TPCN2: variants seen among roughly 807,000 people sequenced by gnomAD.
The protein encoded by TPCN2 is two pore segment channel 2, also known as two pore channel protein 2.
TPCN2 carries 92 observed loss-of-function variants against 111.4 expected under a neutral mutation model. That is an observed-to-expected ratio of 0.83 (90% confidence interval 0.70 to 0.98). The LOEUF (loss-of-function observed/expected upper bound fraction) is 0.98. TPCN2 is among the 50% of genes least tolerant of loss of function. TPCN2 has a pLI of 0.00. For synonymous variants in TPCN2, 405 were observed against 414.5 expected, an observed-to-expected ratio of 0.98 and a Z score of 0.28; for missense variants, 995 against 980.1, an observed-to-expected ratio of 1.02 and a Z score of -0.20.
intron 16 of TPCN2, chr11:69,079,517 C>T (rs1017586352): frequency 1.5e-5 from 5 of 323,012 alleles, no homozygotes; most frequent in Non-Finnish European, 2.3e-5. Flanking sequence ...TTGCTGTAGC[C>T]AGCAGGCCCC....
intron 1 of TPCN2, among the ~76,000 whole-genome samples, chr11:69,050,911 G>A (rs532235549): frequency 2.0e-5 from 3 of 152,248 alleles, no homozygotes; most frequent in Admixed American, 6.5e-5. Context: ...CTCGGGGAGC[G>A]CTCTTTGTCC....
chr11:69,072,831 G>T, intron 12 of TPCN2, 84 bp from the exon 13 acceptor site: 2 of 1,523,312 alleles, frequency 1.3e-6, no homozygotes, highest in Non-Finnish European at 1.8e-6. Context: ...GCCCGTCAGG[G>T]TGGGGTTGGG....
At chr11:69,077,090 GCCA>G in intron 13 of TPCN2, among the ~76,000 whole-genome samples, 2 of 106,266 alleles carry the variant, frequency 1.9e-5, no homozygotes, top group Non-Finnish European at 1.9e-5. Context: ...CTGCCCTCCT[GCCA>G]TGTCCCTCCA....
chr11:69,081,377 C>G (rs1207412816), intron 17 of TPCN2, 23 bp from the exon 18 acceptor site: 2 of 1,521,382 alleles, frequency 1.3e-6, no homozygotes, highest in African/African-American at 1.4e-5. Flanking sequence ...TCCTCCCAAC[C>G]CGCCTCCCGT....
chr11:69,056,441 C>T (rs1213115247), intron 4 of TPCN2, among the ~76,000 whole-genome samples: 5 of 152,182 alleles, frequency 3.3e-5, no homozygotes, highest in African/African-American at 1.2e-4. Flanking sequence ...TTGTCATTAG[C>T]GTTTTTTGAA....
intron 24 of TPCN2, 87 bp downstream of exon 24, chr11:69,087,293 G>A: frequency 8.5e-7 from 1 of 1,172,374 alleles, no homozygotes; most frequent in South Asian, 1.3e-5. Flanking sequence ...GCGGCGGGCA[G>A]GCCCTGATGA....
intron 4 of TPCN2, among the ~76,000 whole-genome samples, chr11:69,057,183 G>A (rs1316799854): frequency 3.9e-5 from 6 of 152,246 alleles, no homozygotes; most frequent in Non-Finnish European, 8.8e-5. Flanking sequence ...GGGAAGAACA[G>A]ACCAGACCTC....
At position 69,090,429 on chromosome 11, in the gene TPCN2, C is replaced by G. The variant is rs1242385168; in HGVS notation, c.*2476C>G. 4.6e-5 allele frequency: 7 copies of G among 152,208 alleles called. No individual in the cohort carries two copies. Among genetic ancestry groups the G allele is most frequent in the Non-Finnish European group, 4.4e-5 (3 of 68,046 alleles). The allele number at this position is 152,208 out of a possible 1,614,324, so 9.4% of individuals were successfully genotyped here. A position where few individuals can be genotyped will look rare whatever the true frequency, so the allele number is the denominator to read the frequency against. On this transcript the variant is annotated 3_prime_UTR_variant, in exon 25 of 25. Transcript: ENST00000294309. The stretch of plus-strand genomic sequence containing the variant: ...TCCGACTGGGGCTTTGACTCCCACA[C>G]TGTGTACCCCTCTTGTGTGGACGCC...
intron 20 of TPCN2, 121 bp from the exon 21 acceptor site, chr11:69,085,550 C>T (rs557238371): frequency 1.3e-4 from 98 of 772,678 alleles, no homozygotes; most frequent in Admixed American, 2.5e-4. Context: ...CTCTGAGCCT[C>T]TGTATCCCAA....
Position 69,063,756 on chromosome 11 carries a change from A to T in TPCN2, c.654-139A>T, listed in dbSNP as rs553901964. 985 of 731,548 alleles carry T rather than the reference A, an allele frequency of 1.3e-3. 4 individuals carry two copies. Among genetic ancestry groups the T allele is most frequent in the Non-Finnish European group, 1.7e-3 (750 of 429,460 alleles). The allele number at this position is 731,548 out of a possible 1,614,324, so 45.3% of individuals were successfully genotyped here. On this transcript the variant is annotated intron_variant, in intron 6 of 24. Transcript: ENST00000294309. ...AGCATGAGGCAAGGCCCTCGGGGAG[A>T]GGGGGACCCAGCTGCTGCCTGGATC...
rs142764445 is a variant in TPCN2 at position 69,055,298 on chromosome 11, C to G, written c.375C>G (p.Thr125=). The change falls in exon 4 of 25, where the codon ACC becomes ACG. Residue 125 remains threonine, a synonymous_variant. Transcript: ENST00000294309. ...CCTGGGAGCCGCCCTGCGGCCTGAC[C>G]GAGAGTGTCGAGGTGCTCTGCCTGC... ...AAPWEPPCGL[T]ESVEVLCLLV... The G allele has an allele frequency of 1.6e-5, 26 of 1,613,708 alleles. No homozygotes were observed. Among genetic ancestry groups the G allele is most frequent in the East Asian group, 2.2e-5 (1 of 44,884 alleles).
chr11:69,080,652 C>T (rs935768843), intron 17 of TPCN2, among the ~76,000 whole-genome samples: 7 of 152,280 alleles, frequency 4.6e-5, no homozygotes, highest in Middle Eastern at 6.8e-3. Context: ...AGCTGGGAGT[C>T]GCTTGGTGGG....
At chr11:69,053,021 A>G (rs1565078084) in intron 1 of TPCN2, among the ~76,000 whole-genome samples, 1 of 152,186 alleles carries the variant, frequency 6.6e-6, no homozygotes, top group Non-Finnish European at 1.5e-5. Flanking sequence ...GCCCGTGCCT[A>G]CGATGCGGGT....
At chr11:69,083,825 G>A in intron 18 of TPCN2, 120 bp from the exon 19 acceptor site, 1 of 829,472 alleles carries the variant, frequency 1.2e-6, no homozygotes, top group Non-Finnish European at 2.0e-6. Flanking sequence ...GTGTGTGTGG[G>A]TTGGTGGTCA....
chr11:69,079,483 C>G (rs1399150039), intron 16 of TPCN2: 2 of 296,736 alleles, frequency 6.7e-6, no homozygotes, highest in East Asian at 1.4e-4. Flanking sequence ...GTGTGTGTCA[C>G]AAGCAGCCAC....
rs187271289 is a variant in TPCN2, at chr11:69,054,910, A to G, written c.251+113A>G. 63 of 1,096,592 alleles carry G rather than the reference A, an allele frequency of 5.7e-5. No individual in the cohort carries two copies. The African/African-American group carries it at 8.8e-4, about 15-fold the overall frequency. 67.9% of individuals were successfully genotyped at this position (1,096,592 alleles called of 1,614,324 possible). A position where few individuals can be genotyped will look rare whatever the true frequency, so the allele number is the denominator to read the frequency against. ...AGGGTCCAGGCAGGCTCCCCACTAC[A>G]TAGATAGGGCGGTTACCATCATCCT... is the stretch of plus-strand genomic sequence containing the variant. On this transcript the variant is annotated intron_variant, in intron 3 of 24. Transcript: ENST00000294309.
chr11:69,059,052 G>T (rs973139933), intron 5 of TPCN2, among the ~76,000 whole-genome samples: 1 of 152,226 alleles, frequency 6.6e-6, no homozygotes, highest in Non-Finnish European at 1.5e-5. Flanking sequence ...GATCTCTTCT[G>T]CCACCTGCTC....
At chr11:69,081,829 C>G (rs994767757) in intron 18 of TPCN2, among the ~76,000 whole-genome samples, 7 of 152,112 alleles carry the variant, frequency 4.6e-5, no homozygotes, top group Admixed American at 2.0e-4. Flanking sequence ...CCCAGAAAGG[C>G]CTTTGCCATG....
intron 16 of TPCN2, 84 bp downstream of exon 16, chr11:69,079,104 T>G: frequency 2.7e-6 from 4 of 1,477,188 alleles, no homozygotes; most frequent in Non-Finnish European, 3.6e-6. Context: ...ATCTCAGGCC[T>G]CCCCTGAGGA....
Sources: gnomAD v4.1 joint callset for allele counts (sites outside exome capture counted in the v4.1 genomes callset) on GRCh38, gnomAD v4.1.1 for gene constraint, MANE v1.5 for transcripts, NCBI Gene and HGNC (gene_info 2026-07-23, HGNC 2026-07-21) for gene names.